Variants in FRMD4B observed in about 807,000 individuals in gnomAD.
FRMD4B encodes the protein FERM domain-containing protein 4B.
Under a neutral mutation model 141.5 loss-of-function variants are expected in FRMD4B, and 74 were observed. That is an observed-to-expected ratio of 0.52 (90% CI 0.43 to 0.63). The LOEUF (loss-of-function observed/expected upper bound fraction) is 0.63, where lower values mean the gene tolerates loss of function less well. FRMD4B is among the 30% of genes least tolerant of loss of function. The pLI is 0.00. For missense variants in FRMD4B, 1,366 were observed against 1,253.4 expected (o/e 1.09, Z -1.36); for synonymous variants, 506 against 467.9 (o/e 1.08, Z -1.05).
intron 1 of FRMD4B, among the ~76,000 whole-genome samples, chr3:69,456,496 T>G (rs927751583): frequency 4.6e-5 from 7 of 152,100 alleles, no homozygotes; most frequent in Non-Finnish European, 1.0e-4. Flanking sequence ...AAGGAGAGAT[T>G]GGTTGCAAAA....
At chr3:69,271,365 TC>T (rs2093593555) in intron 5 of FRMD4B, among the ~76,000 whole-genome samples, 1 of 152,230 alleles carries the variant, frequency 6.6e-6, no homozygotes, top group African/African-American at 2.4e-5. Flanking sequence ...TATGACTATG[TC>T]CTTGTACATC....
intron 1 of FRMD4B, among the ~76,000 whole-genome samples, chr3:69,469,216 A>T (rs1705846339): frequency 6.6e-6 from 1 of 152,218 alleles, no homozygotes; most frequent in Non-Finnish European, 1.5e-5. Context: ...AGGAAAAGGT[A>T]GAAATAAATA....
chr3:69,303,927 C>T (rs1701302765), intron 3 of FRMD4B, among the ~76,000 whole-genome samples: 1 of 151,868 alleles, frequency 6.6e-6, no homozygotes, highest in Admixed American at 6.6e-5. Flanking sequence ...AGAATGAGAC[C>T]CTGTCTCAAA....
intron 12 of FRMD4B, among the ~76,000 whole-genome samples, chr3:69,197,519 C>T (rs2092920495): frequency 6.8e-6 from 1 of 146,216 alleles, no homozygotes; most frequent in African/African-American, 2.6e-5. Context: ...TATGCAAGTC[C>T]AAAACTGTCC....
chr3:69,264,875 T>C (rs1421196390), intron 5 of FRMD4B, among the ~76,000 whole-genome samples: 1 of 152,110 alleles, frequency 6.6e-6, no homozygotes, highest in Non-Finnish European at 1.5e-5. Flanking sequence ...CTCAGAAACT[T>C]GATCACGATG....
At chr3:69,205,089 AAG>A (rs903304577) in intron 11 of FRMD4B, among the ~76,000 whole-genome samples, 6 of 151,558 alleles carry the variant, frequency 4.0e-5, no homozygotes, top group African/African-American at 1.2e-4. Context: ...AAGAGAAAAA[AAG>A]AGTAATTCTT....
intron 4 of FRMD4B, among the ~76,000 whole-genome samples, chr3:69,300,669 A>G (rs1701184522): frequency 6.6e-6 from 1 of 152,252 alleles, no homozygotes; most frequent in Non-Finnish European, 1.5e-5. Flanking sequence ...AACACTACAT[A>G]AACACTACAC....
chr3:69,343,428 G>C (rs1381739435), intron 1 of FRMD4B, among the ~76,000 whole-genome samples: 1 of 151,916 alleles, frequency 6.6e-6, no homozygotes, highest in African/African-American at 2.4e-5. Flanking sequence ...TTTAACCACG[G>C]ACTCCTGAAT....
At chr3:69,294,654 A>G (rs544790690) in intron 4 of FRMD4B, among the ~76,000 whole-genome samples, 1 of 152,298 alleles carries the variant, frequency 6.6e-6, no homozygotes, top group East Asian at 1.9e-4. Context: ...TGAGTTATCT[A>G]GAAGAGCTGG....
chr3:69,219,847 C>A (rs2093177255), intron 9 of FRMD4B, among the ~76,000 whole-genome samples: 2 of 152,174 alleles, frequency 1.3e-5, no homozygotes, highest in Non-Finnish European at 2.9e-5. Context: ...TGTTCAGCTC[C>A]TACTGATAAG....
At chr3:69,497,834 C>T (rs1345628919) in intron 1 of FRMD4B, among the ~76,000 whole-genome samples, 1 of 152,104 alleles carries the variant, frequency 6.6e-6, no homozygotes, top group African/African-American at 2.4e-5. Flanking sequence ...GATCCTTCCA[C>T]CTCAGCCTCC....
chr3:69,274,384 C>T (rs1174050236), intron 5 of FRMD4B, among the ~76,000 whole-genome samples: 1 of 152,132 alleles, frequency 6.6e-6, no homozygotes, highest in Admixed American at 6.5e-5. Flanking sequence ...CCCCACCACC[C>T]CATTATGCAC....
chr3:69,384,664 T>A (rs927948685), intron 1 of FRMD4B, among the ~76,000 whole-genome samples: 8 of 152,216 alleles, frequency 5.3e-5, no homozygotes, highest in Non-Finnish European at 7.3e-5. Context: ...CACAGATATG[T>A]TATACAAAGC....
chr3:69,380,447 A>T (rs960146918), intron 1 of FRMD4B, among the ~76,000 whole-genome samples: 1 of 152,214 alleles, frequency 6.6e-6, no homozygotes, highest in African/African-American at 2.4e-5. Flanking sequence ...AATCCTTTAC[A>T]TAAACCAGAG....
At chr3:69,284,340 C>T (rs1422463899) in intron 5 of FRMD4B, among the ~76,000 whole-genome samples, 1 of 152,102 alleles carries the variant, frequency 6.6e-6, no homozygotes, top group Non-Finnish European at 1.5e-5. Flanking sequence ...AGTTGGAGAC[C>T]ATCTGAAAGG....
chr3:69,188,673 C>T (rs988690849), intron 18 of FRMD4B, among the ~76,000 whole-genome samples: 2 of 147,090 alleles, frequency 1.4e-5, no homozygotes, highest in Admixed American at 7.0e-5. Flanking sequence ...AGGAGAATGG[C>T]GTGAACCCGG....
chr3:69,221,585 G>A (rs1051310539), intron 9 of FRMD4B, among the ~76,000 whole-genome samples: 6 of 152,182 alleles, frequency 3.9e-5, no homozygotes, highest in African/African-American at 1.2e-4. Flanking sequence ...TACTCAGGAT[G>A]AAAGCTCACC....
At chr3:69,267,689 A>AGT (rs2093574244) in intron 5 of FRMD4B, among the ~76,000 whole-genome samples, 2 of 82,288 alleles carry the variant, frequency 2.4e-5, no homozygotes, top group African/African-American at 9.1e-5. Context: ...AGAGAGAGAG[A>AGT]GTGTCTGTCT....
intron 1 of FRMD4B, among the ~76,000 whole-genome samples, chr3:69,495,571 T>C (rs1706369630): frequency 6.6e-6 from 1 of 152,164 alleles, no homozygotes; most frequent in Non-Finnish European, 1.5e-5. Flanking sequence ...GAGCACGAAT[T>C]TGGGTCATCC....
Sources: allele counts gnomAD v4.1 joint callset (sites outside exome capture counted in the v4.1 genomes callset), GRCh38; gene constraint gnomAD v4.1.1; transcripts MANE v1.5; gene names NCBI Gene and HGNC (gene_info 2026-07-23, HGNC 2026-07-21).